The following C4orf51 variants were observed in gnomAD, a reference collection of about 807,000 sequenced individuals.
C4orf51 encodes the protein chromosome 4 open reading frame 51, also known as uncharacterized protein C4orf51.
C4orf51 carries 25 observed loss-of-function variants against 25.2 expected under a neutral mutation model. The ratio of observed to expected loss-of-function variants is 0.99; its 90% confidence interval spans 0.72 to 1.39. C4orf51 has a LOEUF of 1.39. C4orf51 is among the 40% of genes most tolerant of loss of function. C4orf51 has a pLI of 0.00. For synonymous variants in C4orf51, 100 were observed against 84.5 expected (o/e 1.18, Z -1.01); for missense variants, 252 against 239.6 (o/e 1.05, Z -0.34).
intron 1 of C4orf51, among the ~76,000 whole-genome samples, chr4:145,692,953 G>GTTTTTTTTTTTTTTTTTTTTTTTTTTTT (rs202227019): frequency 9.9e-6 from 1 of 100,970 alleles, no homozygotes. Context: ...TAAGTTTTTA[G>GTTTTTTTTTTTTTTTTTTTTTTTTTTTT]TTTTTTTTTT....
chr4:145,700,605 C>T (rs1730371669), intron 2 of C4orf51, among the ~76,000 whole-genome samples: 1 of 152,138 alleles, frequency 6.6e-6, no homozygotes, highest in Non-Finnish European at 1.5e-5. Flanking sequence ...GTAAAATAGG[C>T]AAATGGTCTG....
At chr4:145,786,877 C>T in the C4orf51 span, among the ~76,000 whole-genome samples, 1 of 152,188 alleles carries the variant, frequency 6.6e-6, no homozygotes, top group Non-Finnish European at 1.5e-5. Context: ...TTTAGAATTT[C>T]CAGCTCAGAG....
the C4orf51 span, chr4:145,779,459 G>A: frequency 6.2e-7 from 1 of 1,614,230 alleles, no homozygotes; most frequent in Non-Finnish European, 8.5e-7. Context: ...GCTGGTCATT[G>A]AATTTCCAGG....
chr4:145,698,536 G>A (rs567021195), intron 2 of C4orf51, among the ~76,000 whole-genome samples: 1 of 152,350 alleles, frequency 6.6e-6, no homozygotes, highest in South Asian at 2.1e-4. Context: ...ATAAAGGGAT[G>A]TGGAGACCAA....
chr4:145,730,032 T>C (rs745871566), intron 5 of C4orf51, 67 bp downstream of exon 5: 33 of 1,314,316 alleles, frequency 2.5e-5, no homozygotes, highest in Non-Finnish European at 3.6e-5. Context: ...GGGTTCTGAG[T>C]GTCTCTACAT....
the C4orf51 span, among the ~76,000 whole-genome samples, chr4:145,782,123 C>T: frequency 6.6e-6 from 1 of 152,220 alleles, no homozygotes; most frequent in African/African-American, 2.4e-5. Flanking sequence ...CGCCCAACTC[C>T]AAGCCTCGTC....
intron 1 of C4orf51, among the ~76,000 whole-genome samples, chr4:145,766,442 C>A (rs912020951): frequency 6.6e-5 from 10 of 152,146 alleles, no homozygotes; most frequent in Non-Finnish European, 2.9e-5. Flanking sequence ...CCCTGAGAGA[C>A]AGGAAACAAA....
At position 145,764,799 on chromosome 4, in the gene C4orf51, G is replaced by T; in HGVS notation, n.167-6189G>T. On this transcript the variant is annotated intron_variant and non_coding_transcript_variant, in intron 1 of 1. Transcript: ENST00000510096. ...AAAATGGATTCTCCTACTGACATCTGTTGACACCCTAGGGGGACAGGTCTA... is the reference window on the plus strand; with the variant it reads ...AAAATGGATTCTCCTACTGACATCTTTTGACACCCTAGGGGGACAGGTCTA... The T allele has an allele frequency of 4.2e-6, 3 of 711,200 alleles. No individual in the cohort carries two copies. In the South Asian group the frequency reaches 5.3e-5, roughly 13 times the overall value. The allele number at this position is 711,200 out of a possible 1,614,324, so 44.1% of individuals were successfully genotyped here. A position where few individuals can be genotyped will look rare whatever the true frequency, so the allele number is the denominator to read the frequency against.
chr4:145,719,787 G>A (rs367649398), intron 2 of C4orf51, among the ~76,000 whole-genome samples: 1 of 152,068 alleles, frequency 6.6e-6, no homozygotes, highest in Non-Finnish European at 1.5e-5. Flanking sequence ...TCCGTGATGC[G>A]CTAAAGGAGA....
chr4:145,765,801 T>C lies in C4orf51; in HGVS notation n.167-5187T>C, dbSNP rs184501004. On this transcript the variant is annotated intron_variant and non_coding_transcript_variant, in intron 1 of 1. Transcript: ENST00000510096. The surrounding 1 kb of genome is among the most constrained non-coding windows in gnomAD (Gnocchi z 4.7). Reference sequence around the variant, plus strand: ...TGAAAATCCTCAGAATTATAGCAACTGAGGGTGACGAGTTGAGTCTCATGG... The same window carrying C: ...TGAAAATCCTCAGAATTATAGCAACCGAGGGTGACGAGTTGAGTCTCATGG... 6.5e-4 allele frequency: 994 copies of C among 1,531,522 alleles called. 6 individuals are homozygous for C. In the African/African-American group the frequency reaches 0.012, roughly 19 times the overall value. 94.9% of individuals were successfully genotyped at this position (1,531,522 alleles called of 1,614,324 possible).
chr4:145,692,945 A>G (rs1729684904), intron 1 of C4orf51, among the ~76,000 whole-genome samples: 2 of 74,868 alleles, frequency 2.7e-5, no homozygotes, highest in Non-Finnish European at 6.0e-5. Context: ...GCTGATATTA[A>G]GTTTTTAGTT....
intron 1 of C4orf51, among the ~76,000 whole-genome samples, chr4:145,683,556 A>G (rs1728960407): frequency 6.6e-6 from 1 of 152,272 alleles, no homozygotes; most frequent in Admixed American, 6.5e-5. Context: ...AGAACAGATC[A>G]ATGAAGTAGA....
At chr4:145,750,126 T>C (rs1248577207) in intron 1 of C4orf51, among the ~76,000 whole-genome samples, 1 of 152,218 alleles carries the variant, frequency 6.6e-6, no homozygotes, top group Non-Finnish European at 1.5e-5. Context: ...AATTGGTTCA[T>C]CTTTTAGTCT....
downstream of C4orf51, among the ~76,000 whole-genome samples, chr4:145,733,057 C>T (rs951680572): frequency 2.0e-5 from 3 of 152,144 alleles, no homozygotes; most frequent in Non-Finnish European, 2.9e-5. Context: ...GCCTCAGACG[C>T]GGCGGGCTCG....
At chr4:145,691,978 G>GCACATGTACCCCTTGAGTCTA (rs1553962328) in intron 1 of C4orf51, among the ~76,000 whole-genome samples, 6 of 86,020 alleles carry the variant, frequency 7.0e-5, no homozygotes, top group African/African-American at 2.6e-4. Context: ...ATATACAGCT[G>GCACATGTACCCCTTGAGTCTA]ATAGGAATGT....
downstream of C4orf51, among the ~76,000 whole-genome samples, chr4:145,737,719 C>G (rs1405500521): frequency 6.6e-6 from 1 of 152,206 alleles, no homozygotes; most frequent in Non-Finnish European, 1.5e-5. Context: ...TTTCTTGAGA[C>G]TGCTTTGGTT....
At position 145,693,441 on chromosome 4, in the gene C4orf51, C is replaced by T. The variant is rs189056643; in HGVS notation, c.234-3118C>T. Among the ~76,000 whole-genome samples, 650 of 152,230 alleles carry T rather than the reference C, an allele frequency of 4.3e-3. 5 individuals carry two copies. The highest frequency in any genetic ancestry group is 0.015 in the African/African-American group (617 of 41,544). ...TCTCCCATGTCTACTTCCTTCCACA[C>T]AGACACGGCAACCATCCGATTTCTC... On this transcript the variant is annotated intron_variant, in intron 1 of 5. Coordinates refer to ENST00000438731, the MANE Select transcript of C4orf51 (RefSeq NM_001080531.3).
At chr4:145,769,249 T>A (rs1735883916) in intron 1 of C4orf51, among the ~76,000 whole-genome samples, 1 of 150,104 alleles carries the variant, frequency 6.7e-6, no homozygotes, top group African/African-American at 2.5e-5. Context: ...GACTACAGAC[T>A]TCTCTCTTGG....
Position 145,729,447 on chromosome 4 carries a change from G to T in C4orf51, c.427+218G>T, listed in dbSNP as rs900788551. On this transcript the variant is annotated intron_variant, in intron 4 of 5. Transcript: ENST00000438731. ...CTCCCGAGTAGCTGGGACTACCGGC[G>T]CCCGCCACCACACCCGGCTAATTTT... Among the ~76,000 whole-genome samples the T allele has an allele frequency of 1.3e-4, 19 of 151,744 alleles. No homozygotes were observed. The South Asian group carries it at 3.1e-3, about 25-fold the overall frequency.
Sources: allele counts gnomAD v4.1 joint callset (sites outside exome capture counted in the v4.1 genomes callset), GRCh38; gene constraint gnomAD v4.1.1; non-coding constraint Gnocchi (gnomAD v3.1); transcripts MANE v1.5; gene names NCBI Gene and HGNC (gene_info 2026-07-23, HGNC 2026-07-21).